Variants in WNT7B observed in about 807,000 individuals in gnomAD.
The protein encoded by WNT7B is protein Wnt-7b.
In WNT7B, 19 loss-of-function variants were observed where a neutral mutation model predicts 38.2. That is an observed-to-expected ratio of 0.50 (90% confidence interval 0.35 to 0.73). The LOEUF (loss-of-function observed/expected upper bound fraction) is 0.73. Among genes scored for constraint, WNT7B ranks in the 30% least tolerant of loss-of-function variants. The pLI is 0.01. For synonymous variants in WNT7B, 243 were observed against 209.3 expected, an observed-to-expected ratio of 1.16 and a Z score of -1.39; for missense variants, 423 against 507.9, an observed-to-expected ratio of 0.83 and a Z score of 1.61.
chr22:45,934,220 GC>G (rs1931454264), intron 2 of WNT7B, among the ~76,000 whole-genome samples: 1 of 152,228 alleles, frequency 6.6e-6, no homozygotes, highest in African/African-American at 2.4e-5. Context: ...GGAGCAAAGT[GC>G]CTGGGGTCGG....
chr22:45,971,719 G>A (rs1569127021), intron 1 of WNT7B, among the ~76,000 whole-genome samples: 1 of 152,184 alleles, frequency 6.6e-6, no homozygotes. Flanking sequence ...TTTGCACGAG[G>A]GAGCGGGTGT....
intron 1 of WNT7B, among the ~76,000 whole-genome samples, chr22:45,953,899 C>T (rs1931998235): frequency 6.6e-6 from 1 of 152,154 alleles, no homozygotes; most frequent in Non-Finnish European, 1.5e-5. Context: ...AGGGATTCCA[C>T]CCCTTGGCAT....
At chr22:45,941,593 C>T (rs1462485190) in intron 2 of WNT7B, among the ~76,000 whole-genome samples, 2 of 151,768 alleles carry the variant, frequency 1.3e-5, no homozygotes, top group Non-Finnish European at 2.9e-5. Context: ...GGGGCTGTTA[C>T]CAGGAAGCTG....
rs1932558961 is a variant in WNT7B at position 45,976,710 on chromosome 22, G to C, written c.45C>G (p.Cys15Trp). The change falls in exon 1 of 4, where the codon TGC becomes TGG. Residue 15 changes from cysteine to tryptophan, a missense_variant. By Grantham distance (215) the Cys-to-Trp change is radical. Transcript: ENST00000339464. The surrounding 1 kb of genome is among the most constrained non-coding windows in gnomAD (Gnocchi z 8.5). ...FRKWIFYVFL[C>W]FGVLYVKLGA... is the part of the protein sequence containing the mutation. Reference sequence around the variant, plus strand: ...CGAGCTTCACGTACAGGACGCCAAAGCAGAGAAACACGTAGAAAATCCACT... The same window carrying C: ...CGAGCTTCACGTACAGGACGCCAAACCAGAGAAACACGTAGAAAATCCACT... 3 of 1,610,118 alleles carry C rather than the reference G, an allele frequency of 1.9e-6. No homozygotes were observed. Among genetic ancestry groups the C allele is most frequent in the Admixed American group, 1.7e-5 (1 of 59,878 alleles).
chr22:45,967,919 C>T (rs1932348516), intron 1 of WNT7B, among the ~76,000 whole-genome samples: 1 of 152,166 alleles, frequency 6.6e-6, no homozygotes, highest in Admixed American at 6.5e-5. Flanking sequence ...TTCCACTCCC[C>T]GTGGGACTGC....
Position 45,954,096 on chromosome 22 carries a change from G to A in WNT7B, c.72-3950C>T, listed in dbSNP as rs188941129. Among the ~76,000 whole-genome samples, 271 of 152,324 alleles carry A rather than the reference G, an allele frequency of 1.8e-3. 1 individual carries two copies. Among genetic ancestry groups the A allele is most frequent in the Middle Eastern group, 6.8e-3 (2 of 294 alleles). On this transcript the variant is annotated intron_variant, in intron 1 of 3. Transcript: ENST00000339464. ...TGGCCATAAAAACGAGCAAAGCACT[G>A]GGTCATGCCACGGCATGGAGGAACC... is the stretch of plus-strand genomic sequence containing the variant.
At chr22:45,964,870 G>A (rs1932277590) in intron 1 of WNT7B, among the ~76,000 whole-genome samples, 1 of 152,174 alleles carries the variant, frequency 6.6e-6, no homozygotes, top group African/African-American at 2.4e-5. Flanking sequence ...GCTGCCACCA[G>A]ATGGTCCTAC....
chr22:45,958,502 C>T (rs530917189), intron 1 of WNT7B, among the ~76,000 whole-genome samples: 5 of 152,312 alleles, frequency 3.3e-5, no homozygotes, highest in African/African-American at 1.2e-4. Context: ...GGTTGAGGCA[C>T]AGTGGACACC....
intron 2 of WNT7B, 74 bp from the exon 3 acceptor site, chr22:45,931,443 G>A (rs1001137871): frequency 3.4e-6 from 5 of 1,458,188 alleles, no homozygotes; most frequent in African/African-American, 2.8e-5. Flanking sequence ...CAGGGTGCCG[G>A]GCCTCGATCC....
At chr22:45,927,443 A>G (rs1931122315) in intron 3 of WNT7B, 1 of 1,546,104 alleles carries the variant, frequency 6.5e-7, no homozygotes, top group Non-Finnish European at 8.7e-7. Context: ...AGCTAGGGGA[A>G]CGGCATAGCA....
rs1196844932 is a variant in WNT7B, at chr22:45,972,110, G to C, written c.71+4574C>G. On this transcript the variant is annotated intron_variant, in intron 1 of 3. Transcript: ENST00000339464. Reference sequence around the variant, plus strand: ...GCCCGGTTCCAGCGCTGGAGGCCCGGGGGGAGCCCACCCGCCCACCCCGCA... The same window carrying C: ...GCCCGGTTCCAGCGCTGGAGGCCCGCGGGGAGCCCACCCGCCCACCCCGCA... The C allele has an allele frequency of 8.7e-6, 5 of 575,156 alleles. No homozygotes were observed. The African/African-American group carries it at 1.0e-4, about 12-fold the overall frequency. 35.6% of individuals were successfully genotyped at this position (575,156 alleles called of 1,614,324 possible).
chr22:45,954,600 G>T (rs546623353), intron 1 of WNT7B: 1 of 985,246 alleles, frequency 1.0e-6, no homozygotes, highest in Non-Finnish European at 1.2e-6. Flanking sequence ...GCCCCCAGCA[G>T]CCCCCTGCGT....
At position 45,931,239 on chromosome 22, in the gene WNT7B, T is replaced by G; in HGVS notation, c.429A>C (p.Gln143His). 2 of 1,599,210 alleles carry G rather than the reference T, an allele frequency of 1.3e-6. No homozygotes were observed. Among genetic ancestry groups the G allele is most frequent in the Non-Finnish European group, 1.7e-6 (2 of 1,179,824 alleles). ...CDREKQGYYN[Q>H]AEGWKWGGCS... ...AGCCGCCCCACTTCCAGCCCTCGGCTTGGTTGTAGTAGCCCTGCTTCTCGC... is the reference window on the plus strand; with the variant it reads ...AGCCGCCCCACTTCCAGCCCTCGGCGTGGTTGTAGTAGCCCTGCTTCTCGC... Residue 143 changes from glutamine (Q) to histidine (H), a missense_variant, in exon 3 of 4, where the codon CAA (glutamine) becomes CAC (histidine). By Grantham distance (24) the Gln-to-His change is conservative. This residue lies in a region of WNT7B where 132 missense variants were observed against 113.4 expected (regional missense o/e 1.16). Transcript: ENST00000339464.
At chr22:45,943,798 G>A (rs576483473) in intron 2 of WNT7B, among the ~76,000 whole-genome samples, 104 of 152,328 alleles carry the variant, frequency 6.8e-4, no homozygotes, top group African/African-American at 2.5e-3. Flanking sequence ...GGGGGCTACC[G>A]ACATGAAAGA....
At chr22:45,942,792 G>T (rs9330794) in intron 2 of WNT7B, among the ~76,000 whole-genome samples, 1 of 151,936 alleles carries the variant, frequency 6.6e-6, no homozygotes, top group Non-Finnish European at 1.5e-5. Flanking sequence ...AATATTACCC[G>T]TCTCCAAGCA....
intron 2 of WNT7B, among the ~76,000 whole-genome samples, chr22:45,933,664 C>T (rs1301362070): frequency 2.0e-5 from 3 of 152,130 alleles, no homozygotes; most frequent in South Asian, 2.1e-4. Flanking sequence ...GACCTACCTC[C>T]GTGGAGTGGA....
chr22:45,939,202 ATGC>A lies in WNT7B; in HGVS notation c.299-7836_299-7834del, dbSNP rs533854193. On this transcript the variant is annotated intron_variant, in intron 2 of 3. Coordinates refer to ENST00000339464, the MANE Select transcript of WNT7B (RefSeq NM_058238.3). ...TGTGAGATGCTCGTGGCAGTGTGAG[ATGC>A]TGCAGCCACTGTGGCAAAGTTGGGC... Among the ~76,000 whole-genome samples the A allele has an allele frequency of 4.3e-4, 65 of 152,358 alleles. No homozygotes were observed. The South Asian group carries it at 0.013, about 30-fold the overall frequency.
In WNT7B at chr22:45,922,846, G is replaced by GGGCCT; in HGVS notation, c.*5_*9dup. ...TTCCAGGGTGCCCGCGGCCGCCTCC[G>GGGCCT]GGCCTGGCCTCACTTGCAGGTGAAG... is the stretch of plus-strand genomic sequence containing the variant. On this transcript the variant is annotated 3_prime_UTR_variant, in exon 4 of 4. Coordinates refer to ENST00000339464, the MANE Select transcript of WNT7B (RefSeq NM_058238.3). The GGGCCT allele has an allele frequency of 6.3e-7, 1 of 1,586,530 alleles. No individual in the cohort carries two copies. The highest frequency in any genetic ancestry group is 8.6e-7 in the Non-Finnish European group (1 of 1,161,544).
At chr22:45,932,418 C>CA (rs1555907788) in intron 2 of WNT7B, among the ~76,000 whole-genome samples, 3 of 149,970 alleles carry the variant, frequency 2.0e-5, no homozygotes, top group Admixed American at 2.0e-4. Flanking sequence ...CTTCCCAGAC[C>CA]CCCCCCGCCA....
Sources: gnomAD v4.1 joint callset for allele counts (sites outside exome capture counted in the v4.1 genomes callset) on GRCh38, gnomAD v4.1.1 for gene constraint, gnomAD v4.1.1 regional missense constraint, Gnocchi (gnomAD v3.1) non-coding constraint, MANE v1.5 for transcripts, NCBI Gene and HGNC (gene_info 2026-07-23, HGNC 2026-07-21) for gene names.